ENOX1: variants seen among roughly 807,000 people sequenced by gnomAD.
ENOX1 encodes the protein candidate growth-related and time keeping constitutive hydroquinone (NADH) oxidase.
Under a neutral mutation model 82.5 loss-of-function variants are expected in ENOX1, and 42 were observed. That is an observed-to-expected ratio of 0.51 (90% CI 0.40 to 0.66). The LOEUF (loss-of-function observed/expected upper bound fraction) is 0.66, where lower values mean the gene tolerates loss of function less well. Ranked by LOEUF, ENOX1 falls within the 30% of genes least tolerant of loss-of-function variation. The pLI, the probability that ENOX1 is intolerant of heterozygous loss-of-function variation, is 0.00. For missense variants in ENOX1, 608 were observed against 811.6 expected (o/e 0.75, Z 3.05); for synonymous variants, 271 against 282.2 (o/e 0.96, Z 0.40).
At chr13:43,470,216 A>ATATG (rs1208532675) in intron 3 of ENOX1, among the ~76,000 whole-genome samples, 6 of 95,434 alleles carry the variant, frequency 6.3e-5, no homozygotes, top group Admixed American at 4.2e-4. Flanking sequence ...GTATATATAT[A>ATATG]TGTGTGTGTA....
intron 2 of ENOX1, among the ~76,000 whole-genome samples, chr13:43,625,900 G>T (rs1239157281): frequency 6.6e-6 from 1 of 151,878 alleles, no homozygotes; most frequent in Non-Finnish European, 1.5e-5. Context: ...TTCTGGAAGA[G>T]ACTCTGTAGA....
chr13:43,343,152 T>A (rs2049166294), intron 9 of ENOX1, among the ~76,000 whole-genome samples: 1 of 152,164 alleles, frequency 6.6e-6, no homozygotes, highest in Non-Finnish European at 1.5e-5. Flanking sequence ...CTGAAGAAAG[T>A]GTATTATTAG....
chr13:43,422,532 C>A (rs372693032), intron 3 of ENOX1, among the ~76,000 whole-genome samples: 28 of 152,138 alleles, frequency 1.8e-4, no homozygotes, highest in East Asian at 7.7e-4. Flanking sequence ...TTTTAAACTA[C>A]AAATCATCAT....
chr13:43,628,986 GC>G (rs764563125), intron 2 of ENOX1, among the ~76,000 whole-genome samples: 5 of 152,134 alleles, frequency 3.3e-5, no homozygotes, highest in Non-Finnish European at 5.9e-5. Flanking sequence ...CAATATCACA[GC>G]CCCAGCAAGA....
In ENOX1 at chr13:43,344,785, C is replaced by G. The variant is rs745380845; in HGVS notation, c.824-35G>C. 8 of 1,586,886 alleles carry G rather than the reference C, an allele frequency of 5.0e-6. No homozygotes were observed. In the Admixed American group the frequency reaches 1.3e-4, roughly 27 times the overall value. On this transcript the variant is annotated intron_variant, in intron 8 of 16. Coordinates refer to ENST00000690772, the MANE Select transcript of ENOX1 (RefSeq NM_001347969.2). ...GAAAACCACCAAGTACAAATCATGC[C>G]AAGATGAGAAAATACACTTTATTCT... is the stretch of plus-strand genomic sequence containing the variant.
chr13:43,365,754 T>TC (rs1228274921), intron 5 of ENOX1, among the ~76,000 whole-genome samples: 2 of 152,214 alleles, frequency 1.3e-5, no homozygotes, highest in Non-Finnish European at 2.9e-5. Flanking sequence ...GGAGCACAGG[T>TC]CACAGCCTGA....
chr13:43,475,794 C>CAAAAAAAAAAAAAAAAAAAAA (rs10624980), intron 3 of ENOX1, among the ~76,000 whole-genome samples: 1 of 70,946 alleles, frequency 1.4e-5, no homozygotes. Flanking sequence ...CATAACTGAC[C>CAAAAAAAAAAAAAAAAAAAAA]AAAAAAAAAA....
chr13:43,425,950 T>A (rs1047692145), intron 3 of ENOX1, among the ~76,000 whole-genome samples: 9 of 152,190 alleles, frequency 5.9e-5, no homozygotes, highest in Admixed American at 1.3e-4. Context: ...CAAAATGATT[T>A]AAAAAATCAT....
At chr13:43,354,457 C>G (rs1197308148) in intron 8 of ENOX1, among the ~76,000 whole-genome samples, 1 of 151,306 alleles carries the variant, frequency 6.6e-6, no homozygotes, top group Non-Finnish European at 1.5e-5. Context: ...AGCACAGCAC[C>G]CCCGCTGCCA....
intron 3 of ENOX1, among the ~76,000 whole-genome samples, chr13:43,424,965 T>C (rs1340527892): frequency 1.3e-5 from 2 of 152,096 alleles, no homozygotes; most frequent in African/African-American, 4.8e-5. Context: ...TCTGAGGAAA[T>C]GGGTCAAACC....
At chr13:43,711,678 T>C (rs2087728260) in intron 1 of ENOX1, among the ~76,000 whole-genome samples, 1 of 152,168 alleles carries the variant, frequency 6.6e-6, no homozygotes. Context: ...CCAGTGATGA[T>C]GAGCATTTTT....
intron 2 of ENOX1, among the ~76,000 whole-genome samples, chr13:43,593,018 AG>A (rs1267637100): frequency 1.3e-5 from 2 of 152,260 alleles, no homozygotes; most frequent in Non-Finnish European, 2.9e-5. Flanking sequence ...GTTATTCAGC[AG>A]CAACGCTGTG....
chr13:43,376,342 T>C (rs1436481782), intron 5 of ENOX1, among the ~76,000 whole-genome samples: 1 of 152,202 alleles, frequency 6.6e-6, no homozygotes, highest in African/African-American at 2.4e-5. Flanking sequence ...ATGAAGTGTG[T>C]ATTATGGGAA....
intron 2 of ENOX1, among the ~76,000 whole-genome samples, chr13:43,536,160 T>A (rs1267042882): frequency 6.6e-6 from 1 of 152,190 alleles, no homozygotes; most frequent in Non-Finnish European, 1.5e-5. Context: ...GTAAAAACAC[T>A]GTGGAAAAAT....
chr13:43,775,423 TG>T (rs2153837598), intron 1 of ENOX1, among the ~76,000 whole-genome samples: 1 of 152,290 alleles, frequency 6.6e-6, no homozygotes, highest in South Asian at 2.1e-4. Context: ...ATTACAGGTG[TG>T]AGTCACCTCA....
chr13:43,460,805 AAAAAAAAAAAAAAAAAAAAAAAAAAT>A (rs1296529648), intron 3 of ENOX1, among the ~76,000 whole-genome samples: 4 of 34,874 alleles, frequency 1.1e-4, no homozygotes, highest in African/African-American at 4.0e-4. Context: ...AAAAAAAAAA[AAAAAAAAAAAAAAAAAAAAAAAAAAT>A]AGGGATAGCT....
intron 5 of ENOX1, among the ~76,000 whole-genome samples, chr13:43,389,917 T>G (rs1416617724): frequency 2.0e-5 from 3 of 152,154 alleles, no homozygotes; most frequent in Non-Finnish European, 2.9e-5. Context: ...CTACTACACT[T>G]GACAGAGGGG....
At chr13:43,634,200 T>C (rs1594196682) in intron 2 of ENOX1, among the ~76,000 whole-genome samples, 1 of 152,194 alleles carries the variant, frequency 6.6e-6, no homozygotes, top group Non-Finnish European at 1.5e-5. Flanking sequence ...CTGCACACTT[T>C]TAATGTTTAG....
At chr13:43,323,933 C>T (rs1037290275) in intron 10 of ENOX1, among the ~76,000 whole-genome samples, 24 of 152,168 alleles carry the variant, frequency 1.6e-4, no homozygotes, top group African/African-American at 5.6e-4. Flanking sequence ...ACTCTGTACC[C>T]TGGGAATCAC....
Sources: gnomAD v4.1 joint callset for allele counts (sites outside exome capture counted in the v4.1 genomes callset) on GRCh38, gnomAD v4.1.1 for gene constraint, MANE v1.5 for transcripts, NCBI Gene and HGNC (gene_info 2026-07-23, HGNC 2026-07-21) for gene names.